The following TOX2 variants were observed in gnomAD, a reference collection of about 807,000 sequenced individuals.
The protein encoded by TOX2 is TOX high mobility group box family member 2.
Under a neutral mutation model 47.4 loss-of-function variants are expected in TOX2, and 15 were observed. That is an observed-to-expected ratio of 0.32 (90% CI 0.21 to 0.49). The LOEUF is 0.49. TOX2 is among the 20% of genes least tolerant of loss of function. The pLI is 0.99. For synonymous variants in TOX2, 290 were observed against 296.6 expected, an observed-to-expected ratio of 0.98 and a Z score of 0.23; for missense variants, 622 against 673.1, an observed-to-expected ratio of 0.92 and a Z score of 0.84.
At chr20:44,046,271 A>C (rs183885797) in intron 3 of TOX2, among the ~76,000 whole-genome samples, 216 of 152,352 alleles carry the variant, frequency 1.4e-3, no homozygotes, top group African/African-American at 4.8e-3. Flanking sequence ...CAGTAAAGAC[A>C]TAACATTCTG....
chr20:44,065,909 C>T lies in TOX2; in HGVS notation c.1158C>T (p.Leu386=), dbSNP rs761718407. The change falls in exon 7 of 9, where the codon CTC becomes CTT. Residue 386 remains leucine (L), a synonymous_variant. Transcript: ENST00000341197. ...TLGSKSLLPG[L]SASPPPPPSF... is the part of the protein sequence containing the mutation. ...GCTCCAAGTCTCTGCTGCCAGGCCT[C>T]AGTGCGTCCCCGCCGCCGCCACCCT... 7 of 1,610,938 alleles carry T rather than the reference C, an allele frequency of 4.3e-6. No individual in the cohort carries two copies. Among genetic ancestry groups the T allele is most frequent in the South Asian group, 2.2e-5 (2 of 90,854 alleles).
At chr20:43,943,230 A>G (rs769271341) in intron 1 of TOX2, among the ~76,000 whole-genome samples, 1 of 152,068 alleles carries the variant, frequency 6.6e-6, no homozygotes, top group Non-Finnish European at 1.5e-5. Context: ...CACAACCCCA[A>G]ATGCCTCCTC....
At position 43,915,644 on chromosome 20, in the gene TOX2, C is replaced by A. The variant is rs2069047410; in HGVS notation, c.99+654C>A. ...CACCCAGGGACGGCCACACCTCGGT[C>A]ATCCACACTCGCGCGTCGAGGTTTA... On this transcript the variant is annotated intron_variant, in intron 1 of 8. Coordinates refer to ENST00000341197, the MANE Select transcript of TOX2 (RefSeq NM_001098797.2). The surrounding 1 kb of genome is among the most constrained non-coding windows in gnomAD (Gnocchi z 7.1). Among the ~76,000 whole-genome samples the A allele has an allele frequency of 6.6e-6, 1 of 152,080 alleles. No homozygotes were observed. The highest frequency in any genetic ancestry group is 1.5e-5 in the Non-Finnish European group (1 of 67,986).
intron 4 of TOX2, among the ~76,000 whole-genome samples, chr20:44,053,540 CTA>C (rs1491416430): frequency 1.0e-3 from 47 of 47,210 alleles, no homozygotes; most frequent in Middle Eastern, 0.014. Context: ...TACATATATA[CTA>C]TATATATACA....
chr20:44,053,392 C>T (rs867764854), intron 4 of TOX2, among the ~76,000 whole-genome samples: 139 of 151,336 alleles, frequency 9.2e-4, no homozygotes, highest in African/African-American at 3.3e-3. Context: ...TTTTGTAATG[C>T]AGGATCCTTT....
intron 1 of TOX2, among the ~76,000 whole-genome samples, chr20:43,927,460 CA>C (rs1244949576): frequency 2.4e-4 from 3 of 12,600 alleles, no homozygotes; most frequent in African/African-American, 2.3e-3. Context: ...ATCTATATAA[CA>C]CACACACACA....
intron 1 of TOX2, chr20:43,945,938 T>C: frequency 6.2e-7 from 1 of 1,613,770 alleles, no homozygotes; most frequent in Non-Finnish European, 8.5e-7. Context: ...ACAGAGGCTG[T>C]CGCGGGCGCG....
chr20:43,934,318 G>A (rs945507883), intron 1 of TOX2, among the ~76,000 whole-genome samples: 7 of 152,078 alleles, frequency 4.6e-5, no homozygotes, highest in Admixed American at 2.0e-4. Context: ...CATTTATTTA[G>A]CATCCATCAC....
intron 2 of TOX2, among the ~76,000 whole-genome samples, chr20:43,998,076 C>A (rs1400621206): frequency 1.3e-5 from 2 of 152,136 alleles, no homozygotes; most frequent in East Asian, 3.8e-4. Context: ...AGGAAACTTA[C>A]AATCATGGTA....
Position 44,050,784 on chromosome 20 carries a change from G to C in TOX2, c.412-522G>C, listed in dbSNP as rs866389255. Reference sequence around the variant, plus strand: ...TACATTTGATCTTTAAGGAACCCTAGAATGTAGGTTTGCTCATATCCACAT... The same window carrying C: ...TACATTTGATCTTTAAGGAACCCTACAATGTAGGTTTGCTCATATCCACAT... On this transcript the variant is annotated intron_variant, in intron 3 of 8. Coordinates refer to ENST00000341197, the MANE Select transcript of TOX2 (RefSeq NM_001098797.2). Among the ~76,000 whole-genome samples, 3 of 152,080 alleles carry C rather than the reference G, an allele frequency of 2.0e-5. No individual in the cohort carries two copies. The South Asian group carries it at 6.2e-4, about 31-fold the overall frequency.
chr20:43,999,368 A>G (rs910894305), intron 2 of TOX2, among the ~76,000 whole-genome samples: 1 of 152,160 alleles, frequency 6.6e-6, no homozygotes, highest in Non-Finnish European at 1.5e-5. Context: ...CAAATATTTA[A>G]TAAATTAATT....
intron 3 of TOX2, among the ~76,000 whole-genome samples, chr20:44,014,128 CAAAAAAAAAAAAAAAA>C (rs55721806): frequency 1.9e-5 from 1 of 53,570 alleles, no homozygotes; most frequent in Admixed American, 3.3e-4. Context: ...GAGACTATCT[CAAAAAAAAAAAAAAAA>C]AAAAAAAAAA....
At chr20:44,032,939 G>A (rs886808928) in intron 3 of TOX2, among the ~76,000 whole-genome samples, 12 of 152,210 alleles carry the variant, frequency 7.9e-5, no homozygotes, top group African/African-American at 2.7e-4. Flanking sequence ...GGATAAATTA[G>A]TCTGACTCTT....
At chr20:44,008,150 T>C (rs1015177483) in intron 3 of TOX2, among the ~76,000 whole-genome samples, 2 of 152,048 alleles carry the variant, frequency 1.3e-5, no homozygotes, top group Non-Finnish European at 2.9e-5. Flanking sequence ...TCATGCTTTT[T>C]ATTGGGCTGG....
intron 3 of TOX2, 33 bp downstream of exon 3, chr20:44,006,825 G>T: frequency 6.2e-7 from 1 of 1,601,522 alleles, no homozygotes. Context: ...AGTTCCTGCT[G>T]ATGACAGCAG....
chr20:43,947,781 G>A (rs2069497360), intron 1 of TOX2, among the ~76,000 whole-genome samples: 1 of 152,170 alleles, frequency 6.6e-6, no homozygotes, highest in Non-Finnish European at 1.5e-5. Context: ...TGTTGGTGGG[G>A]CCCTGGGAAA....
chr20:43,978,793 G>A (rs2070123314), intron 2 of TOX2, among the ~76,000 whole-genome samples: 1 of 151,754 alleles, frequency 6.6e-6, no homozygotes, highest in South Asian at 2.1e-4. Flanking sequence ...GTGTGTGTGT[G>A]TGTGTATTAG....
intron 1 of TOX2, among the ~76,000 whole-genome samples, chr20:43,918,841 T>A (rs997368421): frequency 1.3e-5 from 2 of 152,234 alleles, no homozygotes; most frequent in African/African-American, 4.8e-5. Context: ...AATCATTTAA[T>A]ATCTCTGAGT....
At chr20:44,032,116 G>T (rs2071163574) in intron 3 of TOX2, among the ~76,000 whole-genome samples, 1 of 152,192 alleles carries the variant, frequency 6.6e-6, no homozygotes, top group Admixed American at 6.5e-5. Flanking sequence ...TATTGGGTAG[G>T]ATGGTCGGGG....
Sources: allele counts gnomAD v4.1 joint callset (sites outside exome capture counted in the v4.1 genomes callset), GRCh38; gene constraint gnomAD v4.1.1; non-coding constraint Gnocchi (gnomAD v3.1); transcripts MANE v1.5; gene names NCBI Gene and HGNC (gene_info 2026-07-23, HGNC 2026-07-21).